Variants in ARHGAP22 observed in about 807,000 individuals in gnomAD.
ARHGAP22 encodes the protein Rho GTPase activating protein 22.
Under a neutral mutation model 59.1 loss-of-function variants are expected in ARHGAP22, and 48 were observed. The observed-to-expected ratio is 0.81, with a 90% CI of 0.64 to 1.03. The LOEUF (loss-of-function observed/expected upper bound fraction) is 1.03, where lower values mean the gene tolerates loss of function less well. ARHGAP22 is among the 50% of genes least tolerant of loss of function. ARHGAP22 has a pLI of 0.00. For synonymous variants in ARHGAP22, 445 were observed against 416.4 expected, an observed-to-expected ratio of 1.07 and a Z score of -0.84; for missense variants, 1,015 against 958.7, an observed-to-expected ratio of 1.06 and a Z score of -0.78.
chr10:48,613,895 G>A (rs566843620), intron 1 of ARHGAP22, among the ~76,000 whole-genome samples: 22 of 152,274 alleles, frequency 1.4e-4, no homozygotes, highest in African/African-American at 5.1e-4. Context: ...CCTCATGAAC[G>A]AATTAATGTC....
At chr10:48,429,932 T>C in the ARHGAP22 span, 1 of 152,224 alleles carries the variant, frequency 6.6e-6, no homozygotes, top group South Asian at 2.1e-4. Flanking sequence ...GGTTCACTAC[T>C]TTTATACAAT....
intron 1 of ARHGAP22, among the ~76,000 whole-genome samples, chr10:48,648,086 G>A (rs1459823608): frequency 6.6e-6 from 1 of 152,120 alleles, no homozygotes; most frequent in Non-Finnish European, 1.5e-5. Context: ...TTGAGGTGCC[G>A]GAAATGCCCT....
intron 3 of ARHGAP22, among the ~76,000 whole-genome samples, chr10:48,497,052 G>A (rs931414626): frequency 1.3e-5 from 2 of 152,080 alleles, no homozygotes; most frequent in African/African-American, 4.8e-5. Flanking sequence ...TCTCCCAACT[G>A]CCCATGGCTG....
intron 2 of ARHGAP22, chr10:48,582,691 T>C: frequency 1.9e-6 from 1 of 526,806 alleles, no homozygotes; most frequent in Non-Finnish European, 3.4e-6. Flanking sequence ...AGACGTTGTT[T>C]TCTTAAGTTG....
intron 9 of ARHGAP22, among the ~76,000 whole-genome samples, chr10:48,449,826 G>T (rs2045722536): frequency 6.6e-6 from 1 of 152,320 alleles, no homozygotes; most frequent in South Asian, 2.1e-4. Flanking sequence ...CAAGGAAGGG[G>T]TCCTCACTTC....
chr10:48,581,332 T>C (rs1467539634), intron 2 of ARHGAP22, among the ~76,000 whole-genome samples: 1 of 152,230 alleles, frequency 6.6e-6, no homozygotes. Context: ...ACCTTTTGCA[T>C]GGAAGCTGTG....
At chr10:48,584,267 C>T (rs1194778330) in intron 1 of ARHGAP22, among the ~76,000 whole-genome samples, 1 of 152,246 alleles carries the variant, frequency 6.6e-6, no homozygotes, top group Non-Finnish European at 1.5e-5. Context: ...TCCCACTACA[C>T]TAGTGACTGC....
intron 1 of ARHGAP22, among the ~76,000 whole-genome samples, chr10:48,640,126 G>A (rs1283406592): frequency 6.6e-6 from 1 of 152,136 alleles, no homozygotes; most frequent in Non-Finnish European, 1.5e-5. Context: ...GGAGAATAAA[G>A]AACAGGTGAA....
At chr10:48,579,186 G>A (rs532837562) in intron 2 of ARHGAP22, among the ~76,000 whole-genome samples, 21 of 151,266 alleles carry the variant, frequency 1.4e-4, no homozygotes, top group Middle Eastern at 3.4e-3. Context: ...CTTAGGTTTC[G>A]GAAGTTATAC....
chr10:48,633,022 C>A (rs2061681709), intron 1 of ARHGAP22, among the ~76,000 whole-genome samples: 1 of 152,216 alleles, frequency 6.6e-6, no homozygotes, highest in Non-Finnish European at 1.5e-5. Flanking sequence ...CGGAGGACAT[C>A]AGTGGACAGT....
upstream of ARHGAP22, among the ~76,000 whole-genome samples, chr10:48,653,710 A>G (rs2062649062): frequency 6.6e-6 from 1 of 152,256 alleles, no homozygotes; most frequent in Admixed American, 6.5e-5. Context: ...AAGAGCCCAC[A>G]GGTACAGAGG....
chr10:48,434,598 C>T, the ARHGAP22 span, among the ~76,000 whole-genome samples: 17 of 152,128 alleles, frequency 1.1e-4, no homozygotes, highest in East Asian at 1.9e-4. Context: ...TGCTGCAGGA[C>T]CATTTCTAAA....
At chr10:48,479,465 T>C (rs536988101) in intron 4 of ARHGAP22, 171 bp downstream of exon 4, 7 of 1,221,390 alleles carry the variant, frequency 5.7e-6, no homozygotes, top group East Asian at 2.5e-5. Flanking sequence ...ACGGCAGCCG[T>C]TGGGTGACTC....
At chr10:48,598,267 C>T (rs905147581) in intron 1 of ARHGAP22, among the ~76,000 whole-genome samples, 1 of 152,188 alleles carries the variant, frequency 6.6e-6, no homozygotes, top group East Asian at 1.9e-4. Flanking sequence ...GTTTGCAGCG[C>T]CCCTCTTCTG....
Position 48,446,608 on chromosome 10 carries a change from C to T in ARHGAP22, c.1880G>A (p.Gly627Glu), listed in dbSNP as rs1453849902. Residue 627 changes from glycine to glutamate, a missense_variant, in exon 10 of 10, where the codon GGG (glycine) becomes GAG (glutamate). Coordinates refer to ENST00000249601, the MANE Select transcript of ARHGAP22 (RefSeq NM_021226.4). ...CATTCGTTTTCTCAGGTCAGCACTC[C>T]CTTCTTCGATTCTGAAAAGTCAAGG... is the stretch of plus-strand genomic sequence containing the variant. ...YERSVKRIEE[G>E]SADLRKRMSR... 6.2e-7 allele frequency: 1 copy of T among 1,613,808 alleles called. No homozygotes were observed. The highest frequency in any genetic ancestry group is 8.5e-7 in the Non-Finnish European group (1 of 1,179,902).
intron 3 of ARHGAP22, among the ~76,000 whole-genome samples, chr10:48,531,832 G>A (rs1022925878): frequency 2.6e-5 from 4 of 152,194 alleles, no homozygotes; most frequent in Non-Finnish European, 5.9e-5. Context: ...AATGGGACTC[G>A]ATGGTGAATA....
intron 4 of ARHGAP22, among the ~76,000 whole-genome samples, chr10:48,466,344 C>G (rs905374398): frequency 3.9e-5 from 6 of 152,158 alleles, no homozygotes; most frequent in Non-Finnish European, 5.9e-5. Context: ...AGGACGCCTC[C>G]GGTCCCTGTT....
At chr10:48,610,516 G>T (rs2060841668) in intron 1 of ARHGAP22, among the ~76,000 whole-genome samples, 1 of 152,226 alleles carries the variant, frequency 6.6e-6, no homozygotes, top group African/African-American at 2.4e-5. Context: ...TGTAGCACTT[G>T]TCACACATCA....
intron 3 of ARHGAP22, among the ~76,000 whole-genome samples, chr10:48,496,439 G>A (rs1181555277): frequency 6.6e-6 from 1 of 152,222 alleles, no homozygotes; most frequent in Non-Finnish European, 1.5e-5. Context: ...TGAGATAGGT[G>A]TCATGATTCT....
Sources: gnomAD v4.1 joint callset for allele counts (sites outside exome capture counted in the v4.1 genomes callset) on GRCh38, gnomAD v4.1.1 for gene constraint, MANE v1.5 for transcripts, NCBI Gene and HGNC (gene_info 2026-07-23, HGNC 2026-07-21) for gene names.